The following CMTR1 variants were observed in gnomAD, a reference collection of about 807,000 sequenced individuals.
The protein encoded by CMTR1 is cap-specific mRNA (nucleoside-2'-O-)-methyltransferase 1.
CMTR1 carries 39 observed loss-of-function variants against 107.0 expected under a neutral mutation model. The ratio of observed to expected loss-of-function variants is 0.36; its 90% CI spans 0.28 to 0.48. The LOEUF (loss-of-function observed/expected upper bound fraction) is 0.48, where lower values mean the gene tolerates loss of function less well. CMTR1 is among the 20% of genes least tolerant of loss of function. The pLI is 0.99. For synonymous variants in CMTR1, 366 were observed against 379.5 expected (o/e 0.96, Z 0.41); for missense variants, 672 against 1,064.9 (o/e 0.63, Z 5.14).
In CMTR1 at chr6:37,481,474, G is replaced by C. The variant is rs182692384; in HGVS notation, c.*1329G>C. The C allele has an allele frequency of 8.9e-5, 100 of 1,128,698 alleles. No homozygotes were observed. The Admixed American group carries it at 4.4e-3, about 49-fold the overall frequency. 69.9% of individuals were successfully genotyped at this position (1,128,698 alleles called of 1,614,324 possible). A position where few individuals can be genotyped will look rare whatever the true frequency, so the allele number is the denominator to read the frequency against. On this transcript the variant is annotated 3_prime_UTR_variant, in exon 24 of 24. Transcript: ENST00000373451. The stretch of plus-strand genomic sequence containing the variant: ...TCTGGGTATATCAGTGTGTCTTGCA[G>C]AATCTTGGATCATTAAAGATAAACA...
intron 2 of CMTR1, among the ~76,000 whole-genome samples, chr6:37,436,140 G>C (rs1305224418): frequency 6.6e-6 from 1 of 152,114 alleles, no homozygotes; most frequent in Non-Finnish European, 1.5e-5. Flanking sequence ...TGCGGCCGTC[G>C]AGCCTAATTT....
chr6:37,471,418 A>T (rs1277595305), intron 14 of CMTR1, among the ~76,000 whole-genome samples: 4 of 152,128 alleles, frequency 2.6e-5, no homozygotes, highest in Admixed American at 6.6e-5. Context: ...GAGAGGTAGG[A>T]CTGATCAGAG....
In CMTR1 at chr6:37,480,344, G is replaced by T; in HGVS notation, c.*199G>T. 2 of 1,367,866 alleles carry T rather than the reference G, an allele frequency of 1.5e-6. No individual in the cohort carries two copies. Among genetic ancestry groups the T allele is most frequent in the Admixed American group, 7.8e-5 (2 of 25,746 alleles). The allele number at this position is 1,367,866 out of a possible 1,614,324, so 84.7% of individuals were successfully genotyped here. ...TGCAGAGAACACTCATGTTCCTTCT[G>T]GGACACCTGCCTGGGAACTTTCCCC... On this transcript the variant is annotated 3_prime_UTR_variant, in exon 24 of 24. Coordinates refer to ENST00000373451, the MANE Select transcript of CMTR1 (RefSeq NM_015050.3).
Position 37,458,781 on chromosome 6 carries a change from C to T in CMTR1, c.947C>T (p.Ala316Val). The T allele has an allele frequency of 6.2e-7, 1 of 1,614,148 alleles. No homozygotes were observed. Among genetic ancestry groups the T allele is most frequent in the Non-Finnish European group, 8.5e-7 (1 of 1,180,042 alleles). Residue 316 changes from alanine to valine, a missense_variant, in exon 9 of 24, where the codon GCT (alanine) becomes GTT (valine). Coordinates refer to ENST00000373451, the MANE Select transcript of CMTR1 (RefSeq NM_015050.3). The surrounding 1 kb of genome is among the most constrained non-coding windows in gnomAD (Gnocchi z 4.7). ...TTCAAGCTGGAGGACTTCTACTCTG[C>T]TTCCAGTGAACTCTTCGAACCCTAC... ...NDFKLEDFYS[A>V]SSELFEPYYG... is the part of the protein sequence containing the mutation.
At chr6:37,479,526 C>T (rs2797791) in intron 23 of CMTR1, among the ~76,000 whole-genome samples, 9,142 of 152,288 alleles carry the variant, frequency 0.06, 897 homozygotes, top group African/African-American at 0.2. Flanking sequence ...GCGTATCCAC[C>T]CCATGGAGCA....
At chr6:37,430,907 G>A (rs921569845), upstream of CMTR1, among the ~76,000 whole-genome samples, 1 of 151,498 alleles carries the variant, frequency 6.6e-6, no homozygotes, top group African/African-American at 2.4e-5. Context: ...CCAGCTACTC[G>A]GCAGGCTGAG....
chr6:37,470,566 CTT>C (rs1369318633), intron 13 of CMTR1, among the ~76,000 whole-genome samples: 2 of 152,196 alleles, frequency 1.3e-5, no homozygotes, highest in East Asian at 1.9e-4. Flanking sequence ...TGTTTTCCCT[CTT>C]GTCAATGGGT....
rs959783771 is a variant in CMTR1, at chr6:37,458,013, A to G, written c.778-599A>G. Among the ~76,000 whole-genome samples, 22 of 152,064 alleles carry G rather than the reference A, an allele frequency of 1.4e-4. 1 individual carries two copies. In the East Asian group the frequency reaches 4.3e-3, roughly 29 times the overall value. On this transcript the variant is annotated intron_variant, in intron 8 of 23. Transcript: ENST00000373451. The surrounding 1 kb of genome is among the most constrained non-coding windows in gnomAD (Gnocchi z 4.7). Reference sequence around the variant, plus strand: ...TGAAAGGCAGGATATGGTGAGGAAAACACTCTGAGAGATAAAAAATGTAGT... The same window carrying G: ...TGAAAGGCAGGATATGGTGAGGAAAGCACTCTGAGAGATAAAAAATGTAGT...
intron 2 of CMTR1, among the ~76,000 whole-genome samples, chr6:37,442,424 T>C (rs1472285206): frequency 6.6e-6 from 1 of 152,246 alleles, no homozygotes; most frequent in Admixed American, 6.5e-5. Flanking sequence ...CTTAGGAAAG[T>C]GATACTTGGC....
intron 13 of CMTR1, among the ~76,000 whole-genome samples, chr6:37,465,239 C>T (rs1761484572): frequency 1.3e-5 from 2 of 151,522 alleles, no homozygotes; most frequent in African/African-American, 2.4e-5. Flanking sequence ...CGTACTCCAG[C>T]CTGGGCAATG....
chr6:37,459,136 A>G (rs964203173), intron 9 of CMTR1, among the ~76,000 whole-genome samples: 3 of 152,268 alleles, frequency 2.0e-5, no homozygotes, highest in African/African-American at 7.2e-5. Context: ...TTTAACAAAT[A>G]TAAACCCAAT....
At chr6:37,430,111 G>A (rs921453251), upstream of CMTR1, among the ~76,000 whole-genome samples, 2 of 152,102 alleles carry the variant, frequency 1.3e-5, no homozygotes, top group African/African-American at 2.4e-5. Flanking sequence ...GTGCATTTTC[G>A]GTTGCCTTTT....
intron 13 of CMTR1, among the ~76,000 whole-genome samples, chr6:37,466,108 G>GTTTTTTT (rs747910111): frequency 5.5e-5 from 7 of 127,746 alleles, no homozygotes; most frequent in Non-Finnish European, 6.7e-5. Flanking sequence ...GAGTTTTACA[G>GTTTTTTT]TTTTTGTTTT....
intron 2 of CMTR1, among the ~76,000 whole-genome samples, chr6:37,439,744 ACCTTGGCCATTAG>A (rs1771623646): frequency 6.6e-6 from 1 of 152,222 alleles, no homozygotes. Flanking sequence ...TGTGCTGCCC[ACCTTGGCCATTAG>A]CGGTTGGAGC....
chr6:37,451,975 A>G (rs1761182787), intron 6 of CMTR1, 98 bp downstream of exon 6: 1 of 982,476 alleles, frequency 1.0e-6, no homozygotes, highest in East Asian at 2.5e-5. Flanking sequence ...GGGAAGCTAA[A>G]GTTAAGATTT....
chr6:37,464,565 A>C (rs1429305170), intron 13 of CMTR1, among the ~76,000 whole-genome samples: 2 of 151,482 alleles, frequency 1.3e-5, no homozygotes, highest in Non-Finnish European at 2.9e-5. Context: ...TCTGAGTTTT[A>C]TCACCACAAG....
At position 37,480,251 on chromosome 6, in the gene CMTR1, G is replaced by C. The variant is rs749995622; in HGVS notation, c.*106G>C. 2.6e-5 allele frequency: 39 copies of C among 1,526,842 alleles called. No individual in the cohort carries two copies. The highest frequency in any genetic ancestry group is 4.6e-4 in the Middle Eastern group (2 of 4,360). 94.6% of individuals were successfully genotyped at this position (1,526,842 alleles called of 1,614,324 possible). On this transcript the variant is annotated 3_prime_UTR_variant, in exon 24 of 24. Transcript: ENST00000373451. ...TTCCCCCTCTTGAAAAGGGACTGGG[G>C]AGCATTGCACCTGGCATGAGGAGTG... is the stretch of plus-strand genomic sequence containing the variant.
Position 37,472,267 on chromosome 6 carries a change from T to C in CMTR1, c.1621-152T>C. 3 of 697,602 alleles carry C rather than the reference T, an allele frequency of 4.3e-6. No individual in the cohort carries two copies. The highest frequency in any genetic ancestry group is 7.7e-6 in the Non-Finnish European group (3 of 390,542). 43.2% of individuals were successfully genotyped at this position (697,602 alleles called of 1,614,324 possible). ...ATCTGAAAGGGAGCAGTGAGTGAAT[T>C]ATCCACCTCCATCCCTGTCAGCCTA... On this transcript the variant is annotated intron_variant, in intron 15 of 23. Transcript: ENST00000373451. The surrounding 1 kb of genome is among the most constrained non-coding windows in gnomAD (Gnocchi z 4.1).
At chr6:37,448,360 C>CA (rs929664978) in intron 4 of CMTR1, among the ~76,000 whole-genome samples, 2 of 152,098 alleles carry the variant, frequency 1.3e-5, no homozygotes, top group African/African-American at 4.8e-5. Flanking sequence ...ATGTGGAGGA[C>CA]AGAGTATGAC....
Sources: gnomAD v4.1 joint callset for allele counts (sites outside exome capture counted in the v4.1 genomes callset) on GRCh38, gnomAD v4.1.1 for gene constraint, Gnocchi (gnomAD v3.1) non-coding constraint, MANE v1.5 for transcripts, NCBI Gene and HGNC (gene_info 2026-07-23, HGNC 2026-07-21) for gene names.